WIPF3: variants seen among roughly 807,000 people sequenced by gnomAD.
The protein encoded by WIPF3 is WAS/WASL interacting protein family member 3, also known as WAS/WASL-interacting protein family member 3.
A neutral mutation model predicts 38.9 loss-of-function variants in WIPF3; 33 were observed. That is an observed-to-expected ratio of 0.85 (90% confidence interval 0.64 to 1.14). WIPF3 has a LOEUF of 1.14. Ranked by LOEUF, WIPF3 falls within the 50% of genes most tolerant of loss-of-function variation. The pLI is 0.00. For synonymous variants in WIPF3, 324 were observed against 269.3 expected (o/e 1.20, Z -1.99); for missense variants, 711 against 652.5 (o/e 1.09, Z -0.98).
At chr7:29,908,488 A>G (rs141041348) in intron 8 of WIPF3, among the ~76,000 whole-genome samples, 138 of 152,358 alleles carry the variant, frequency 9.1e-4, no homozygotes, top group African/African-American at 3.2e-3. Flanking sequence ...AAAGCTGTAT[A>G]TAACAGACAT....
chr7:29,899,865 T>G (rs1414346436), intron 7 of WIPF3, among the ~76,000 whole-genome samples: 1 of 152,176 alleles, frequency 6.6e-6, no homozygotes, highest in Non-Finnish European at 1.5e-5. Context: ...GAGAAGTTGA[T>G]CAAATAGAAG....
intron 2 of WIPF3, among the ~76,000 whole-genome samples, chr7:29,864,552 A>G (rs1266663328): frequency 6.6e-6 from 1 of 152,256 alleles, no homozygotes; most frequent in African/African-American, 2.4e-5. Flanking sequence ...GTTATGAAGT[A>G]CAAATACTGT....
intron 2 of WIPF3, among the ~76,000 whole-genome samples, chr7:29,868,593 A>G (rs1197094063): frequency 6.6e-6 from 1 of 151,906 alleles, no homozygotes; most frequent in African/African-American, 2.4e-5. Context: ...ATATACACAC[A>G]TATATACAGT....
At chr7:29,824,686 C>T (rs1186296349) in intron 1 of WIPF3, among the ~76,000 whole-genome samples, 6 of 152,040 alleles carry the variant, frequency 3.9e-5, no homozygotes, top group Non-Finnish European at 5.9e-5. Context: ...GAGAGGAGTA[C>T]ATGTTAAACC....
At chr7:29,904,458 A>G in intron 8 of WIPF3, 96 bp downstream of exon 8, 1 of 1,269,310 alleles carries the variant, frequency 7.9e-7, no homozygotes, top group Non-Finnish European at 1.1e-6. Context: ...ACAGCTTTAT[A>G]TTTTTCCTCA....
chr7:29,882,376 G>A (rs1274467094), intron 4 of WIPF3, among the ~76,000 whole-genome samples: 1 of 152,190 alleles, frequency 6.6e-6, no homozygotes, highest in African/African-American at 2.4e-5. Flanking sequence ...TATGGAAAAA[G>A]GTTTGAGAAC....
chr7:29,831,688 G>T (rs1380597001), intron 1 of WIPF3, among the ~76,000 whole-genome samples: 1 of 152,202 alleles, frequency 6.6e-6, no homozygotes, highest in Non-Finnish European at 1.5e-5. Flanking sequence ...CAGGTGTTTG[G>T]CAGGTAGTCT....
chr7:29,867,298 G>A (rs1004527979), intron 2 of WIPF3, among the ~76,000 whole-genome samples: 1 of 152,160 alleles, frequency 6.6e-6, no homozygotes, highest in Non-Finnish European at 1.5e-5. Flanking sequence ...GACCTTTGAG[G>A]TTTCGAGCCT....
intron 7 of WIPF3, among the ~76,000 whole-genome samples, chr7:29,903,522 G>A (rs1786329094): frequency 6.6e-6 from 1 of 151,840 alleles, no homozygotes; most frequent in East Asian, 1.9e-4. Context: ...TTAATGCCTA[G>A]TTCATGACAG....
chr7:29,837,199 C>CA (rs1038507117), intron 2 of WIPF3, among the ~76,000 whole-genome samples: 1 of 151,294 alleles, frequency 6.6e-6, no homozygotes, highest in African/African-American at 2.4e-5. Context: ...ACTAAAAATA[C>CA]AAAAAAATTA....
intron 2 of WIPF3, among the ~76,000 whole-genome samples, chr7:29,846,692 A>G (rs1201778840): frequency 6.6e-6 from 1 of 152,248 alleles, no homozygotes; most frequent in Non-Finnish European, 1.5e-5. Flanking sequence ...GACAAGAGCA[A>G]AACTCTGTCT....
At chr7:29,820,901 CT>C (rs1784527955) in intron 1 of WIPF3, among the ~76,000 whole-genome samples, 2 of 152,116 alleles carry the variant, frequency 1.3e-5, no homozygotes, top group Non-Finnish European at 2.9e-5. Context: ...TCCTTTTTAC[CT>C]GATAACTTTT....
intron 2 of WIPF3, among the ~76,000 whole-genome samples, chr7:29,869,326 C>T (rs753590589): frequency 2.6e-5 from 4 of 152,214 alleles, no homozygotes; most frequent in Admixed American, 6.5e-5. Context: ...CTGCGCCCCA[C>T]CTGTATCCCC....
chr7:29,884,343 G>A lies in WIPF3; in HGVS notation c.849G>A (p.Ala283=), dbSNP rs1438319008. The A allele has an allele frequency of 1.4e-6, 2 of 1,429,916 alleles. No individual in the cohort carries two copies. Among genetic ancestry groups the A allele is most frequent in the Non-Finnish European group, 1.9e-6 (2 of 1,079,434 alleles). 88.6% of individuals were successfully genotyped at this position (1,429,916 alleles called of 1,614,324 possible). A position where few individuals can be genotyped will look rare whatever the true frequency, so the allele number is the denominator to read the frequency against. The change falls in exon 5 of 9, where the codon GCG becomes GCA. Residue 283 remains alanine (A), a synonymous_variant. Transcript: ENST00000242140. ...TCAAAGCGGAGCCCGCCAGCCCTGCGCAAGATGCGCAGGAGCCTCCCGCCC... is the reference window on the plus strand; with the variant it reads ...TCAAAGCGGAGCCCGCCAGCCCTGCACAAGATGCGCAGGAGCCTCCCGCCC... ...PGLKAEPASP[A]QDAQEPPAPP...
chr7:29,883,349 T>G (rs1181688804), intron 4 of WIPF3, among the ~76,000 whole-genome samples: 2 of 152,332 alleles, frequency 1.3e-5, no homozygotes, highest in East Asian at 1.9e-4. Context: ...GAATCATGAA[T>G]TTTCTGCTCT....
At chr7:29,904,571 T>C (rs967964729) in intron 8 of WIPF3, 16 of 568,748 alleles carry the variant, frequency 2.8e-5, no homozygotes, top group Non-Finnish European at 4.7e-5. Context: ...GGGGCTTCCC[T>C]GGAATCACCA....
At chr7:29,900,207 G>C (rs1190427074) in intron 7 of WIPF3, among the ~76,000 whole-genome samples, 1 of 152,166 alleles carries the variant, frequency 6.6e-6, no homozygotes, top group African/African-American at 2.4e-5. Flanking sequence ...AAAGTGCTGG[G>C]ATTACAGGTG....
At chr7:29,909,585 A>G (rs1452587142) in intron 8 of WIPF3, among the ~76,000 whole-genome samples, 1 of 152,188 alleles carries the variant, frequency 6.6e-6, no homozygotes, top group Non-Finnish European at 1.5e-5. Flanking sequence ...AAAACCTACC[A>G]AGACCAAATC....
chr7:29,870,469 C>T (rs1785475063), intron 2 of WIPF3, among the ~76,000 whole-genome samples: 1 of 152,016 alleles, frequency 6.6e-6, no homozygotes, highest in South Asian at 2.1e-4. Context: ...CAGGAGTTTG[C>T]AATGGATTGG....
Sources: allele counts gnomAD v4.1 joint callset (sites outside exome capture counted in the v4.1 genomes callset), GRCh38; gene constraint gnomAD v4.1.1; transcripts MANE v1.5; gene names NCBI Gene and HGNC (gene_info 2026-07-23, HGNC 2026-07-21).